The following KLRG1 variants were observed in gnomAD, a reference collection of about 807,000 sequenced individuals.
The protein encoded by KLRG1 is killer cell lectin like receptor G1.
KLRG1 carries 16 observed loss-of-function variants against 21.8 expected under a neutral mutation model. The ratio of observed to expected loss-of-function variants is 0.73; its 90% CI spans 0.50 to 1.11. The LOEUF is 1.11. Ranked by LOEUF, KLRG1 falls within the 50% of genes most tolerant of loss-of-function variation. The pLI is 0.00. For synonymous variants in KLRG1, 69 were observed against 75.9 expected (o/e 0.91, Z 0.47); for missense variants, 173 against 218.3 (o/e 0.79, Z 1.31).
downstream of KLRG1, among the ~76,000 whole-genome samples, chr12:9,012,528 T>C (rs1322722592): frequency 3.3e-5 from 5 of 151,904 alleles, no homozygotes; most frequent in Admixed American, 2.0e-4. Flanking sequence ...CCATGCGGCT[T>C]CCAGTGTGAC....
At chr12:9,019,749 T>C in the KLRG1 span, among the ~76,000 whole-genome samples, 3 of 152,262 alleles carry the variant, frequency 2.0e-5, no homozygotes, top group African/African-American at 7.2e-5. Flanking sequence ...ATTTCTTCCT[T>C]TAAAAAGAAA....
downstream of KLRG1, among the ~76,000 whole-genome samples, chr12:9,013,082 C>A (rs1947654559): frequency 6.6e-6 from 1 of 152,170 alleles, no homozygotes; most frequent in Non-Finnish European, 1.5e-5. Flanking sequence ...AGTAAATTCT[C>A]CTGTATCATA....
chr12:9,089,131 AT>A, the KLRG1 span: 1 of 1,195,836 alleles, frequency 8.4e-7, no homozygotes, highest in Non-Finnish European at 1.2e-6. Flanking sequence ...TAGGAATAAT[AT>A]ATAAATGTTC....
chr12:9,055,204 AATTG>A, the KLRG1 span, among the ~76,000 whole-genome samples: 82 of 152,318 alleles, frequency 5.4e-4, 1 homozygote, highest in African/African-American at 1.9e-3. Context: ...CTTATTAATT[AATTG>A]ATTGATTGAT....
chr12:9,067,654 G>A, the KLRG1 span: 13 of 716,552 alleles, frequency 1.8e-5, no homozygotes, highest in Middle Eastern at 4.6e-4. Context: ...ATTCTATTGG[G>A]AATCATATGG....
chr12:9,017,626 G>A, the KLRG1 span, among the ~76,000 whole-genome samples: 3 of 152,066 alleles, frequency 2.0e-5, no homozygotes, highest in Non-Finnish European at 4.4e-5. Context: ...CACAATAAAA[G>A]CCGTATATGA....
At chr12:9,069,856 A>C in the KLRG1 span, 2 of 1,569,658 alleles carry the variant, frequency 1.3e-6, no homozygotes, top group Non-Finnish European at 1.8e-6. Context: ...AAATAGATGA[A>C]ACCCCTGGGG....
the KLRG1 span, among the ~76,000 whole-genome samples, chr12:9,139,288 C>T: frequency 6.6e-6 from 1 of 152,050 alleles, no homozygotes; most frequent in South Asian, 2.1e-4. Flanking sequence ...GCCAGAAAGA[C>T]ACTTGGTGTG....
At chr12:9,109,529 C>A in the KLRG1 span, 1 of 727,662 alleles carries the variant, frequency 1.4e-6, no homozygotes, top group South Asian at 1.8e-5. Flanking sequence ...GCTCTGCTCT[C>A]CAATCTATTC....
the KLRG1 span, chr12:9,181,043 A>G: frequency 6.2e-7 from 1 of 1,614,188 alleles, no homozygotes; most frequent in South Asian, 1.1e-5. Context: ...CCACAGCACG[A>G]AGGGCACAGA....
chr12:9,014,585 G>A (rs768955500), downstream of KLRG1, among the ~76,000 whole-genome samples: 5 of 152,082 alleles, frequency 3.3e-5, no homozygotes, highest in South Asian at 2.1e-4. Context: ...GTCAACACTA[G>A]ATCTGTTGTA....
the KLRG1 span, among the ~76,000 whole-genome samples, chr12:9,024,671 A>G: frequency 6.6e-6 from 1 of 152,138 alleles, no homozygotes; most frequent in African/African-American, 2.4e-5. Context: ...TTGGGTGCCT[A>G]TTTCTTTATA....
chr12:9,022,606 C>T, the KLRG1 span, among the ~76,000 whole-genome samples: 1 of 152,040 alleles, frequency 6.6e-6, no homozygotes, highest in African/African-American at 2.4e-5. Flanking sequence ...ACCAATAAGA[C>T]CAAGGCATGA....
the KLRG1 span, among the ~76,000 whole-genome samples, chr12:9,141,795 G>T: frequency 0.37 from 56,820 of 151,972 alleles, 11,378 homozygotes; most frequent in Non-Finnish European, 0.44. Context: ...TGGTAAGTTT[G>T]GGATTTTAAT....
At chr12:9,146,920 C>CTTTT in the KLRG1 span, among the ~76,000 whole-genome samples, 4 of 151,570 alleles carry the variant, frequency 2.6e-5, no homozygotes, top group Non-Finnish European at 5.9e-5. Flanking sequence ...AAGATCAACT[C>CTTTT]TTTTCCCAGG....
chr12:9,095,428 A>T, the KLRG1 span: 4 of 1,063,312 alleles, frequency 3.8e-6, no homozygotes, highest in African/African-American at 4.9e-5. Flanking sequence ...TTACCTCTTT[A>T]TATCCCATTA....
chr12:9,143,740 C>T, the KLRG1 span, among the ~76,000 whole-genome samples: 41 of 152,260 alleles, frequency 2.7e-4, 1 homozygote, highest in African/African-American at 8.7e-4. Flanking sequence ...GGCCCGGCCA[C>T]GTTGCAATAA....
chr12:9,154,920 A>G, the KLRG1 span: 1 of 1,336,942 alleles, frequency 7.5e-7, no homozygotes, highest in Non-Finnish European at 1.0e-6. Flanking sequence ...CACATTCATA[A>G]TACATGGAGC....
the KLRG1 span, among the ~76,000 whole-genome samples, chr12:9,185,961 T>C: frequency 2.0e-5 from 3 of 151,612 alleles, no homozygotes; most frequent in East Asian, 1.9e-4. Flanking sequence ...GCGTGCACCA[T>C]CACACCTGGC....
Sources: allele counts gnomAD v4.1 joint callset (sites outside exome capture counted in the v4.1 genomes callset), GRCh38; gene constraint gnomAD v4.1.1; transcripts MANE v1.5; gene names NCBI Gene and HGNC (gene_info 2026-07-23, HGNC 2026-07-21).